The following COL26A1 variants were observed in gnomAD, a reference collection of about 807,000 sequenced individuals.
COL26A1 encodes collagen alpha-1(XXVI) chain.
COL26A1 carries 41 observed loss-of-function variants against 59.3 expected under a neutral mutation model. That is an observed-to-expected ratio of 0.69 (90% CI 0.54 to 0.90). The LOEUF is 0.90. COL26A1 is among the 40% of genes least tolerant of loss of function. COL26A1 has a pLI of 0.00. For missense variants in COL26A1, 612 were observed against 602.3 expected, an observed-to-expected ratio of 1.02 and a Z score of -0.17; for synonymous variants, 266 against 256.0, an observed-to-expected ratio of 1.04 and a Z score of -0.37.
At chr7:101,444,764 T>C (rs1232546653) in intron 2 of COL26A1, among the ~76,000 whole-genome samples, 4 of 151,840 alleles carry the variant, frequency 2.6e-5, no homozygotes, top group African/African-American at 7.3e-5. Flanking sequence ...CAGGACACTT[T>C]CCCCTCACAG....
Position 101,545,320 on chromosome 7 carries a change from T to C in COL26A1, c.704-18T>C. 1 of 1,553,652 alleles carries C rather than the reference T, an allele frequency of 6.4e-7. No homozygotes were observed. Among genetic ancestry groups the C allele is most frequent in the Non-Finnish European group, 8.6e-7 (1 of 1,158,134 alleles). On this transcript the variant is annotated intron_variant, in intron 6 of 12. Coordinates refer to ENST00000313669, the MANE Select transcript of COL26A1 (RefSeq NM_001278563.3). Reference sequence around the variant, plus strand: ...CAGGCTCCGGCTGCCACAGTGACTGTTCTTTTCCTCATTGCAGGGCTCCTG... The same window carrying C: ...CAGGCTCCGGCTGCCACAGTGACTGCTCTTTTCCTCATTGCAGGGCTCCTG...
intron 1 of COL26A1, among the ~76,000 whole-genome samples, chr7:101,363,631 T>TCCGCGGGGCC (rs1790964285): frequency 1.6e-5 from 2 of 126,942 alleles, no homozygotes; most frequent in African/African-American, 7.9e-5. Flanking sequence ...GCTGCGGGGT[T>TCCGCGGGGCC]GCGGGGGCTG....
chr7:101,529,792 T>C (rs1259190294), intron 3 of COL26A1, among the ~76,000 whole-genome samples: 2 of 152,216 alleles, frequency 1.3e-5, no homozygotes, highest in Admixed American at 6.5e-5. Context: ...TTCTACAGTG[T>C]ATATGCACCT....
intron 3 of COL26A1, among the ~76,000 whole-genome samples, chr7:101,479,833 G>A (rs897567816): frequency 1.3e-5 from 2 of 152,026 alleles, no homozygotes; most frequent in Admixed American, 6.6e-5. Flanking sequence ...GTGATATTTT[G>A]ATATGTGTAT....
At chr7:101,550,484 T>TTAAA (rs1350466726) in intron 9 of COL26A1, among the ~76,000 whole-genome samples, 2 of 151,970 alleles carry the variant, frequency 1.3e-5, no homozygotes, top group Non-Finnish European at 2.9e-5. Flanking sequence ...AATTAATTAA[T>TTAAA]TAAATATGTA....
intron 3 of COL26A1, among the ~76,000 whole-genome samples, chr7:101,479,677 A>T (rs372243135): frequency 1.3e-5 from 2 of 152,152 alleles, no homozygotes; most frequent in African/African-American, 2.4e-5. Context: ...TTTTAAATCA[A>T]TTCCAGAAAA....
intron 1 of COL26A1, among the ~76,000 whole-genome samples, chr7:101,380,442 G>A (rs1791420520): frequency 6.6e-6 from 1 of 151,884 alleles, no homozygotes; most frequent in Admixed American, 6.6e-5. Context: ...CTACAGGCAC[G>A]CACTACCACG....
At chr7:101,367,295 G>C (rs1248178321) in intron 1 of COL26A1, among the ~76,000 whole-genome samples, 1 of 152,156 alleles carries the variant, frequency 6.6e-6, no homozygotes, top group Non-Finnish European at 1.5e-5. Flanking sequence ...ATTTGGAGGG[G>C]GGACCTTTGG....
chr7:101,552,879 C>G (rs552187095), intron 10 of COL26A1, among the ~76,000 whole-genome samples: 1 of 152,316 alleles, frequency 6.6e-6, no homozygotes, highest in African/African-American at 2.4e-5. Flanking sequence ...TGCACCCCAG[C>G]CTGGGTGACA....
chr7:101,458,963 G>A (rs1159317750), intron 3 of COL26A1, among the ~76,000 whole-genome samples: 1 of 151,994 alleles, frequency 6.6e-6, no homozygotes, highest in Non-Finnish European at 1.5e-5. Flanking sequence ...CACCATGCCT[G>A]GCTAATTTTT....
At chr7:101,453,580 C>G (rs1265935788) in intron 3 of COL26A1, among the ~76,000 whole-genome samples, 1 of 152,142 alleles carries the variant, frequency 6.6e-6, no homozygotes, top group Non-Finnish European at 1.5e-5. Context: ...GCACCTTGCT[C>G]AGGATGCGTG....
chr7:101,515,995 C>T (rs368134236), intron 3 of COL26A1, among the ~76,000 whole-genome samples: 8 of 152,172 alleles, frequency 5.3e-5, no homozygotes, highest in East Asian at 1.9e-4. Context: ...TGCTTTGTAA[C>T]GCATCGTGCC....
At chr7:101,509,221 GA>G (rs1794872131) in intron 3 of COL26A1, among the ~76,000 whole-genome samples, 1 of 152,108 alleles carries the variant, frequency 6.6e-6, no homozygotes, top group African/African-American at 2.4e-5. Context: ...GAGGTGGGCG[GA>G]TGATTTGAGG....
At chr7:101,514,359 A>G (rs1794985767) in intron 3 of COL26A1, among the ~76,000 whole-genome samples, 4 of 152,050 alleles carry the variant, frequency 2.6e-5, no homozygotes, top group Admixed American at 1.3e-4. Flanking sequence ...AATAAAAATA[A>G]AAACAATAAA....
At chr7:101,484,553 T>C (rs1382795291) in intron 3 of COL26A1, among the ~76,000 whole-genome samples, 1 of 151,742 alleles carries the variant, frequency 6.6e-6, no homozygotes, top group Non-Finnish European at 1.5e-5. Flanking sequence ...GTATTTTTAG[T>C]GGAGACAGGG....
chr7:101,549,581 C>T (rs578200157), intron 9 of COL26A1, among the ~76,000 whole-genome samples: 1 of 152,200 alleles, frequency 6.6e-6, no homozygotes, highest in Non-Finnish European at 1.5e-5. Flanking sequence ...GGGATTTCAC[C>T]ATGTTGCCCA....
intron 3 of COL26A1, among the ~76,000 whole-genome samples, chr7:101,450,384 C>A (rs1793301667): frequency 6.6e-6 from 1 of 152,096 alleles, no homozygotes; most frequent in Non-Finnish European, 1.5e-5. Context: ...CAGATTCTAG[C>A]CCCTCTGGAA....
chr7:101,388,473 C>T (rs918188160), intron 1 of COL26A1, among the ~76,000 whole-genome samples: 13 of 149,540 alleles, frequency 8.7e-5, no homozygotes, highest in Non-Finnish European at 1.8e-4. Flanking sequence ...AACTCTGTCT[C>T]AAAAACAGAC....
At chr7:101,472,951 A>G (rs1473982704) in intron 3 of COL26A1, among the ~76,000 whole-genome samples, 1 of 152,046 alleles carries the variant, frequency 6.6e-6, no homozygotes, top group Non-Finnish European at 1.5e-5. Context: ...GTGCCTTTGT[A>G]GTTATTTATT....
Sources: gnomAD v4.1 joint callset for allele counts (sites outside exome capture counted in the v4.1 genomes callset) on GRCh38, gnomAD v4.1.1 for gene constraint, MANE v1.5 for transcripts, NCBI Gene and HGNC (gene_info 2026-07-23, HGNC 2026-07-21) for gene names.